Variants in TMTC2 observed in about 807,000 individuals in gnomAD.
The protein encoded by TMTC2 is protein O-mannosyl-transferase TMTC2.
In TMTC2, 43 loss-of-function variants were observed where a neutral mutation model predicts 82.4. That is an observed-to-expected ratio of 0.52 (90% CI 0.41 to 0.67). The LOEUF is 0.67. Among genes scored for constraint, TMTC2 ranks in the 30% least tolerant of loss-of-function variants. The pLI is 0.00. For synonymous variants in TMTC2, 408 were observed against 381.9 expected, an observed-to-expected ratio of 1.07 and a Z score of -0.80; for missense variants, 919 against 1,012.4, an observed-to-expected ratio of 0.91 and a Z score of 1.25.
intron 1 of TMTC2, among the ~76,000 whole-genome samples, chr12:82,803,990 G>C (rs189973477): frequency 1.1e-4 from 16 of 152,110 alleles, no homozygotes; most frequent in Admixed American, 5.2e-4. Context: ...AAGAATTGAG[G>C]TTGCTGCAGA....
chr12:82,769,124 G>T (rs575882940), intron 1 of TMTC2, among the ~76,000 whole-genome samples: 1 of 151,240 alleles, frequency 6.6e-6, no homozygotes, highest in Admixed American at 6.6e-5. Context: ...TCCCTCAGGC[G>T]CATCAATTCA....
chr12:82,688,812 G>T (rs889025788), intron 1 of TMTC2, among the ~76,000 whole-genome samples: 1 of 152,188 alleles, frequency 6.6e-6, no homozygotes, highest in African/African-American at 2.4e-5. Flanking sequence ...CTTACGCAAA[G>T]TGGTTGACAG....
intron 3 of TMTC2, among the ~76,000 whole-genome samples, chr12:82,909,529 A>G (rs1397867224): frequency 2.6e-5 from 4 of 151,622 alleles, no homozygotes; most frequent in African/African-American, 9.7e-5. Flanking sequence ...TTTAGTAGAG[A>G]TGGGGTTTCA....
intron 8 of TMTC2, among the ~76,000 whole-genome samples, chr12:83,030,465 A>T (rs977392220): frequency 6.6e-6 from 1 of 152,098 alleles, no homozygotes; most frequent in Non-Finnish European, 1.5e-5. Context: ...ATAGAAAATG[A>T]CAATAATGTT....
At chr12:82,694,050 T>C (rs1872690525) in intron 1 of TMTC2, among the ~76,000 whole-genome samples, 2 of 151,910 alleles carry the variant, frequency 1.3e-5, no homozygotes, top group African/African-American at 4.8e-5. Flanking sequence ...TTTGGGTTTA[T>C]AACTTTGACT....
chr12:82,912,939 G>GAA (rs71068957), intron 3 of TMTC2, among the ~76,000 whole-genome samples: 93,263 of 126,534 alleles, frequency 0.74, 35,346 homozygotes, highest in South Asian at 0.84. Context: ...GACCTTGTCT[G>GAA]AAAAAAAAAA....
At position 82,985,973 on chromosome 12, in the gene TMTC2, A is replaced by G. The variant is rs201793977; in HGVS notation, c.1997A>G (p.Tyr666Cys). The part of the protein sequence containing the change: ...LSKLPEAEHW[Y>C]MESLRSKTDH... The stretch of plus-strand genomic sequence containing the variant: ...AAACTCCCCGAAGCAGAGCATTGGT[A>G]TATGGAATCACTGAGATCCAAGACT... Residue 666 changes from tyrosine (Y) to cysteine (C), a missense_variant, in exon 8 of 12, where the codon TAT becomes TGT. Physicochemically the swap from Tyr to Cys is radical, Grantham distance 194. Transcript: ENST00000321196. 8 of 1,614,070 alleles carry G rather than the reference A, an allele frequency of 5.0e-6. No homozygotes were observed. In the Admixed American group the frequency reaches 8.3e-5, roughly 17 times the overall value.
At chr12:83,109,315 C>T (rs1381136320) in intron 11 of TMTC2, among the ~76,000 whole-genome samples, 2 of 152,124 alleles carry the variant, frequency 1.3e-5, no homozygotes, top group Non-Finnish European at 2.9e-5. Flanking sequence ...CAAGAACACA[C>T]TCACTATTTT....
At chr12:83,081,770 G>A (rs1883479218) in intron 11 of TMTC2, among the ~76,000 whole-genome samples, 1 of 152,134 alleles carries the variant, frequency 6.6e-6, no homozygotes, top group Admixed American at 6.6e-5. Context: ...TGGGCGCAGT[G>A]GCTCATGCCT....
chr12:82,779,166 C>T (rs189132661), intron 1 of TMTC2, among the ~76,000 whole-genome samples: 26 of 151,742 alleles, frequency 1.7e-4, no homozygotes, highest in Non-Finnish European at 3.8e-4. Flanking sequence ...GGAATCCCAA[C>T]ATCACGGCAG....
At chr12:82,844,769 T>G (rs1017974861) in intron 1 of TMTC2, among the ~76,000 whole-genome samples, 4 of 150,804 alleles carry the variant, frequency 2.7e-5, no homozygotes, top group African/African-American at 9.8e-5. Context: ...ATCACTGCAC[T>G]CCAGCCTGGG....
intron 1 of TMTC2, among the ~76,000 whole-genome samples, chr12:82,741,574 G>A (rs969586750): frequency 6.6e-6 from 1 of 152,208 alleles, no homozygotes; most frequent in Non-Finnish European, 1.5e-5. Flanking sequence ...CTCCCAAAGT[G>A]CTGGGATTAC....
At chr12:82,709,261 A>C (rs2136910300) in intron 1 of TMTC2, among the ~76,000 whole-genome samples, 1 of 152,266 alleles carries the variant, frequency 6.6e-6, no homozygotes, top group South Asian at 2.1e-4. Context: ...GTTATATCTG[A>C]TTCTTATGTT....
intron 1 of TMTC2, among the ~76,000 whole-genome samples, chr12:82,845,725 A>G (rs1054922135): frequency 6.6e-6 from 1 of 152,146 alleles, no homozygotes; most frequent in Non-Finnish European, 1.5e-5. Context: ...TGTGAAAAGT[A>G]GCTCAAGTTG....
intron 11 of TMTC2, among the ~76,000 whole-genome samples, chr12:83,123,513 G>A (rs1397990904): frequency 1.3e-5 from 2 of 152,198 alleles, no homozygotes; most frequent in African/African-American, 4.8e-5. Context: ...AATTGGGAGT[G>A]TTGCATTGCT....
chr12:82,778,111 C>G (rs1877692982), intron 1 of TMTC2, among the ~76,000 whole-genome samples: 1 of 151,994 alleles, frequency 6.6e-6, no homozygotes, highest in Non-Finnish European at 1.5e-5. Context: ...TTACTCTAGT[C>G]TTTTATTTTT....
chr12:82,906,163 A>G (rs745587421), intron 3 of TMTC2, among the ~76,000 whole-genome samples: 6 of 152,270 alleles, frequency 3.9e-5, no homozygotes, highest in Non-Finnish European at 7.3e-5. Flanking sequence ...CCATGTAAAA[A>G]TTGACTATTT....
chr12:82,833,001 A>G (rs1237002479), intron 1 of TMTC2, among the ~76,000 whole-genome samples: 1 of 152,174 alleles, frequency 6.6e-6, no homozygotes, highest in African/African-American at 2.4e-5. Flanking sequence ...TCTATCCAAG[A>G]TGGTGTCAGA....
intron 1 of TMTC2, among the ~76,000 whole-genome samples, chr12:82,753,691 G>C (rs1298222309): frequency 6.6e-6 from 1 of 152,196 alleles, no homozygotes; most frequent in Non-Finnish European, 1.5e-5. Context: ...TCTCTCATGA[G>C]ATTGCCAAAG....
Sources: allele counts gnomAD v4.1 joint callset (sites outside exome capture counted in the v4.1 genomes callset), GRCh38; gene constraint gnomAD v4.1.1; transcripts MANE v1.5; gene names NCBI Gene and HGNC (gene_info 2026-07-23, HGNC 2026-07-21).